The following FYTTD1 variants were observed in gnomAD, a reference collection of about 807,000 sequenced individuals.
The protein encoded by FYTTD1 is forty-two-three domain containing 1.
FYTTD1 carries 22 observed loss-of-function variants against 40.9 expected under a neutral mutation model. The observed-to-expected ratio is 0.54, with a 90% CI of 0.38 to 0.77. The LOEUF is 0.77. Among genes scored for constraint, FYTTD1 ranks in the 30% least tolerant of loss-of-function variants. The probability of loss-of-function intolerance (pLI) is 0.00; values close to 1 mark genes in which losing one functional copy is unlikely to be tolerated. For synonymous variants in FYTTD1, 140 were observed against 137.9 expected, an observed-to-expected ratio of 1.01 and a Z score of -0.10; for missense variants, 351 against 392.2, an observed-to-expected ratio of 0.90 and a Z score of 0.89.
Position 197,768,509 on chromosome 3 carries a change from C to A in FYTTD1, c.306C>A (p.Ile102=). The A allele has an allele frequency of 6.2e-7, 1 of 1,613,180 alleles. No individual in the cohort carries two copies. Among genetic ancestry groups the A allele is most frequent in the South Asian group, 1.1e-5 (1 of 91,014 alleles). Residue 102 remains isoleucine (I), a synonymous_variant, in exon 3 of 9, where the codon ATC becomes ATA. Coordinates refer to ENST00000241502, the MANE Select transcript of FYTTD1 (RefSeq NM_032288.7). The part of the protein sequence containing the change: ...MPGKRRPNGV[I]TGLAARKTTG... ...GAAAGAGACGTCCTAATGGAGTTAT[C>A]ACTGGCCTTGCAGCTAGGAAAACGA...
intron 2 of FYTTD1, among the ~76,000 whole-genome samples, chr3:197,759,426 G>A (rs1729305081): frequency 6.6e-6 from 1 of 152,068 alleles, no homozygotes; most frequent in Non-Finnish European, 1.5e-5. Flanking sequence ...AGAATGTATG[G>A]AGTTGTTCTT....
At chr3:197,775,775 C>T (rs1430754066) in intron 6 of FYTTD1, among the ~76,000 whole-genome samples, 1 of 152,096 alleles carries the variant, frequency 6.6e-6, no homozygotes, top group Non-Finnish European at 1.5e-5. Flanking sequence ...ACATTAGAAA[C>T]CATGGGGAAA....
intron 2 of FYTTD1, among the ~76,000 whole-genome samples, chr3:197,759,931 TTCAGTGGTAGAATGTATAGAGTTGTTCC>T (rs1729326560): frequency 6.6e-6 from 1 of 150,548 alleles, no homozygotes; most frequent in African/African-American, 2.5e-5. Flanking sequence ...TAGAGTGTTC[TTCAGTGGTAGAATGTATAGAGTTGTTCC>T]TCAGTGGTCG....
intron 2 of FYTTD1, among the ~76,000 whole-genome samples, chr3:197,756,856 T>C (rs1387772778): frequency 6.6e-6 from 1 of 152,242 alleles, no homozygotes; most frequent in Non-Finnish European, 1.5e-5. Flanking sequence ...AGCTCCTATC[T>C]TCATCCAAGT....
intron 1 of FYTTD1, among the ~76,000 whole-genome samples, chr3:197,752,464 A>ATG (rs1173741770): frequency 6.6e-6 from 1 of 152,184 alleles, no homozygotes; most frequent in Non-Finnish European, 1.5e-5. Flanking sequence ...CACTATATAT[A>ATG]TGTGTGTATG....
chr3:197,770,199 G>A lies in FYTTD1; in HGVS notation c.452G>A (p.Arg151Lys), dbSNP rs758092734. 6.2e-7 allele frequency: 1 copy of A among 1,612,930 alleles called. No individual in the cohort carries two copies. The highest frequency in any genetic ancestry group is 1.7e-5 in the Admixed American group (1 of 59,982). Residue 151 changes from arginine to lysine, a missense_variant, in exon 4 of 9, where the codon AGG becomes AAG. Physicochemically the swap from Arg to Lys is conservative, Grantham distance 26. Transcript: ENST00000241502. ...ANLLRQNEGQ[R>K]KPVAVLKRPS... ...CTTCTGAGACAAAATGAAGGGCAGA[G>A]GAAACCAGTAGCAGTTCTCAAGAGA...
chr3:197,750,287 G>T (rs1728968616), intron 1 of FYTTD1: 1 of 1,035,688 alleles, frequency 9.7e-7, no homozygotes, highest in Middle Eastern at 3.6e-4. Context: ...GCGTCCCCTC[G>T]GCCGCGGCAG....
At chr3:197,773,924 C>G (rs960438576) in intron 5 of FYTTD1, among the ~76,000 whole-genome samples, 23 of 150,772 alleles carry the variant, frequency 1.5e-4, no homozygotes, top group African/African-American at 5.7e-4. Context: ...CTCCGCAGCA[C>G]TCACGCACAC....
chr3:197,761,015 AGTGGTAGAATGTATAGAC>A (rs2109041092), intron 2 of FYTTD1, among the ~76,000 whole-genome samples: 1 of 147,452 alleles, frequency 6.8e-6, no homozygotes, highest in South Asian at 2.1e-4. Context: ...GTTGTTCCTC[AGTGGTAGAATGTATAGAC>A]TTGTTCTTCA....
chr3:197,760,672 A>C (rs1211552196), intron 2 of FYTTD1, among the ~76,000 whole-genome samples: 1 of 150,996 alleles, frequency 6.6e-6, no homozygotes, highest in Non-Finnish European at 1.5e-5. Flanking sequence ...GAACATATAG[A>C]GTTGTTCTTC....
chr3:197,768,689 G>A (rs777689275), intron 3 of FYTTD1, 102 bp downstream of exon 3: 1 of 977,652 alleles, frequency 1.0e-6, no homozygotes, highest in Non-Finnish European at 1.4e-6. Context: ...TTTTTATGTA[G>A]TACTTTGGGA....
At position 197,785,448 on chromosome 3, in the gene FYTTD1, C is replaced by T. The variant is rs560447126; in HGVS notation, c.*3539C>T. ...TGAAGGGCCAACTGTTTAAGCCAAT[C>T]GTAAAATACTGTGTCTGAGGAAACA... is the stretch of plus-strand genomic sequence containing the variant. On this transcript the variant is annotated 3_prime_UTR_variant, in exon 9 of 9. Coordinates refer to ENST00000241502, the MANE Select transcript of FYTTD1 (RefSeq NM_032288.7). 2.0e-5 allele frequency: 3 copies of T among 152,264 alleles called. No homozygotes were observed. Among genetic ancestry groups the T allele is most frequent in the East Asian group, 1.9e-4 (1 of 5,184 alleles). 9.4% of individuals were successfully genotyped at this position (152,264 alleles called of 1,614,324 possible).
intron 1 of FYTTD1, among the ~76,000 whole-genome samples, chr3:197,753,944 A>G (rs1296416944): frequency 2.0e-5 from 3 of 151,902 alleles, no homozygotes; most frequent in Admixed American, 6.6e-5. Flanking sequence ...GTTTCACCAT[A>G]TTAGCCAGGA....
intron 1 of FYTTD1, chr3:197,750,613 C>A: frequency 1.0e-6 from 1 of 985,328 alleles, no homozygotes; most frequent in Non-Finnish European, 1.2e-6. Context: ...CCATGGCTGC[C>A]GGGCGCGACT....
Position 197,781,750 on chromosome 3 carries a change from G to A in FYTTD1, c.859-61G>A, listed in dbSNP as rs1730033316. 6 of 1,129,738 alleles carry A rather than the reference G, an allele frequency of 5.3e-6. No homozygotes were observed. The East Asian group carries it at 7.2e-5, about 14-fold the overall frequency. 70.0% of individuals were successfully genotyped at this position (1,129,738 alleles called of 1,614,324 possible). The stretch of plus-strand genomic sequence containing the variant: ...ACATTATTGTTCCAAAGCAAATATG[G>A]CCTTCAGTAAAGTTGTTAATTGTTG... On this transcript the variant is annotated intron_variant, in intron 8 of 8. Coordinates refer to ENST00000241502, the MANE Select transcript of FYTTD1 (RefSeq NM_032288.7).
At chr3:197,750,243 C>A in intron 1 of FYTTD1, 169 bp downstream of exon 1, 1 of 837,146 alleles carries the variant, frequency 1.2e-6, no homozygotes, top group Non-Finnish European at 1.6e-6. Flanking sequence ...GCAGGCTCGA[C>A]GCCAGGTGCC....
In FYTTD1 at chr3:197,778,475, GT is replaced by G. The variant is rs1560501202; in HGVS notation, c.858+15del. ...AGTGTCGGAAAACAGGTAAAAAAAC[GT>G]TTTCTGTATTTTCTTGGGTCATTTG... On this transcript the variant is annotated intron_variant, in intron 8 of 8. Coordinates refer to ENST00000241502, the MANE Select transcript of FYTTD1 (RefSeq NM_032288.7). 3.2e-6 allele frequency: 5 copies of G among 1,578,230 alleles called. No homozygotes were observed. Among genetic ancestry groups the G allele is most frequent in the Non-Finnish European group, 4.3e-6 (5 of 1,157,082 alleles).
In FYTTD1 at chr3:197,775,971, CAG is replaced by C. The variant is rs140700188; in HGVS notation, c.657-954_657-953del. Among the ~76,000 whole-genome samples, 24 of 152,030 alleles carry C rather than the reference CAG, an allele frequency of 1.6e-4. 1 individual carries two copies. In the East Asian group the frequency reaches 3.3e-3, roughly 21 times the overall value. On this transcript the variant is annotated intron_variant, in intron 6 of 8. Coordinates refer to ENST00000241502, the MANE Select transcript of FYTTD1 (RefSeq NM_032288.7). ...AATGTGAATATAAAGGAAGAGCTGA[CAG>C]AAAGTGAGAGGTACAAACAAAGGAG...
chr3:197,784,673 C>T lies in FYTTD1; in HGVS notation c.*2764C>T, dbSNP rs534476681. 6.6e-6 allele frequency: 1 copy of T among 152,312 alleles called. No individual in the cohort carries two copies. The highest frequency in any genetic ancestry group is 2.4e-5 in the African/African-American group (1 of 41,530). The allele number at this position is 152,312 out of a possible 1,614,324, so 9.4% of individuals were successfully genotyped here. A position where few individuals can be genotyped will look rare whatever the true frequency, so the allele number is the denominator to read the frequency against. ...TGGTGTGGTGACATGTGCCTGTGGT[C>T]CCAGCTACTTGGGAGGCTGAGGCGG... On this transcript the variant is annotated 3_prime_UTR_variant, in exon 9 of 9. Transcript: ENST00000241502.
Sources: allele counts gnomAD v4.1 joint callset (sites outside exome capture counted in the v4.1 genomes callset), GRCh38; gene constraint gnomAD v4.1.1; transcripts MANE v1.5; gene names NCBI Gene and HGNC (gene_info 2026-07-23, HGNC 2026-07-21).